TMEM260: variants seen among roughly 807,000 people sequenced by gnomAD.
TMEM260 encodes the protein transmembrane protein 260.
In TMEM260, 82 loss-of-function variants were observed where a neutral mutation model predicts 88.9. The observed-to-expected ratio is 0.92, with a 90% CI of 0.77 to 1.11. The LOEUF is 1.11. Among genes scored for constraint, TMEM260 ranks in the 50% least tolerant of loss-of-function variants. The probability of loss-of-function intolerance (pLI) is 0.00; values close to 1 mark genes in which losing one functional copy is unlikely to be tolerated. For synonymous variants in TMEM260, 314 were observed against 309.3 expected (o/e 1.02, Z -0.16); for missense variants, 902 against 853.4 (o/e 1.06, Z -0.71).
intron 3 of TMEM260, among the ~76,000 whole-genome samples, chr14:56,595,422 C>G (rs192723467): frequency 6.6e-6 from 1 of 152,070 alleles, no homozygotes; most frequent in Non-Finnish European, 1.5e-5. Flanking sequence ...AATTAAGGAA[C>G]CTTCTTTACA....
intron 15 of TMEM260, 69 bp downstream of exon 15, chr14:56,636,667 G>A (rs759109343): frequency 7.5e-7 from 1 of 1,332,742 alleles, no homozygotes; most frequent in Admixed American, 1.7e-5. Context: ...GTTCAGAATG[G>A]ATAGAGGGTA....
At chr14:56,626,945 A>G (rs1249459902) in intron 12 of TMEM260, among the ~76,000 whole-genome samples, 2 of 152,122 alleles carry the variant, frequency 1.3e-5, no homozygotes, top group African/African-American at 4.8e-5. Flanking sequence ...ATTCATACAT[A>G]CTGTATTATA....
intron 7 of TMEM260, chr14:56,613,156 T>C (rs1214178702): frequency 6.6e-6 from 1 of 152,136 alleles, no homozygotes; most frequent in Non-Finnish European, 1.5e-5. Context: ...CATACCAACT[T>C]GATACAAAAT....
rs531304565 is a variant in TMEM260 at position 56,614,344 on chromosome 14, C to T, written c.858-1600C>T. 3.3e-5 allele frequency among the ~76,000 whole-genome samples: 5 copies of T among 151,954 alleles called. No individual in the cohort carries two copies. The East Asian group carries it at 9.7e-4, about 30-fold the overall frequency. On this transcript the variant is annotated intron_variant, in intron 7 of 15. Coordinates refer to ENST00000261556, the MANE Select transcript of TMEM260 (RefSeq NM_017799.4). ...GCAGTGAGCCACCTTCATGCCACTC[C>T]AGCCTAGGCAACAGAGTGAGACTCT...
intron 3 of TMEM260, among the ~76,000 whole-genome samples, chr14:56,596,801 A>G (rs1015784415): frequency 2.1e-4 from 28 of 131,442 alleles, no homozygotes; most frequent in Admixed American, 1.1e-3. Flanking sequence ...AAAAATATAT[A>G]TATATACACA....
downstream of TMEM260, among the ~76,000 whole-genome samples, chr14:56,651,466 C>G (rs1379143496): frequency 1.3e-5 from 2 of 152,146 alleles, no homozygotes; most frequent in African/African-American, 4.8e-5. Flanking sequence ...AGTAGCGTTT[C>G]CAGCACTGTA....
intron 15 of TMEM260, among the ~76,000 whole-genome samples, chr14:56,639,478 A>C (rs1311571526): frequency 6.6e-6 from 1 of 152,154 alleles, no homozygotes; most frequent in Non-Finnish European, 1.5e-5. Context: ...CATCAATCTA[A>C]CAGGTCTATA....
At chr14:56,650,202 T>C, downstream of TMEM260, 1 of 402,214 alleles carries the variant, frequency 2.5e-6, no homozygotes, top group Admixed American at 3.1e-5. Context: ...GGGAGTGCCA[T>C]GGTTTGGCAG....
chr14:56,598,992 T>C (rs1346960153), intron 3 of TMEM260, among the ~76,000 whole-genome samples: 1 of 152,236 alleles, frequency 6.6e-6, no homozygotes, highest in Non-Finnish European at 1.5e-5. Context: ...TTAACTGGCC[T>C]GTTCCATCCA....
At chr14:56,642,655 G>A (rs1460356506) in intron 15 of TMEM260, among the ~76,000 whole-genome samples, 7 of 151,950 alleles carry the variant, frequency 4.6e-5, no homozygotes, top group South Asian at 2.1e-4. Context: ...AAATAACTAA[G>A]ATCAGAGCAG....
At chr14:56,661,316 T>C in the TMEM260 span, among the ~76,000 whole-genome samples, 1 of 151,410 alleles carries the variant, frequency 6.6e-6, no homozygotes, top group Non-Finnish European at 1.5e-5. Flanking sequence ...CGTGGGAAAA[T>C]GAAAAAGGGG....
At chr14:56,618,496 C>T (rs1223174275) in intron 9 of TMEM260, 98 bp from the exon 10 acceptor site, 1 of 1,126,050 alleles carries the variant, frequency 8.9e-7, no homozygotes. Flanking sequence ...CAGGCACACA[C>T]AACTAGGTGC....
At chr14:56,640,242 C>T (rs954666063) in intron 15 of TMEM260, among the ~76,000 whole-genome samples, 1 of 152,196 alleles carries the variant, frequency 6.6e-6, no homozygotes, top group Admixed American at 6.5e-5. Flanking sequence ...GGGAGGCACC[C>T]TCCCAGTAGG....
Position 56,584,126 on chromosome 14 carries a change from C to T in TMEM260, c.161-875C>T, listed in dbSNP as rs563681583. 2.7e-4 allele frequency among the ~76,000 whole-genome samples: 41 copies of T among 151,992 alleles called. No homozygotes were observed. In the South Asian group the frequency reaches 7.9e-3, roughly 29 times the overall value. On this transcript the variant is annotated intron_variant, in intron 1 of 15. Coordinates refer to ENST00000261556, the MANE Select transcript of TMEM260 (RefSeq NM_017799.4). ...ATTGGTCAAGTCTGTTGCCATAGTCCAGGCCAGAGAGAGTAAAGGTCTAAA... is the reference window on the plus strand; with the variant it reads ...ATTGGTCAAGTCTGTTGCCATAGTCTAGGCCAGAGAGAGTAAAGGTCTAAA...
chr14:56,637,068 T>C (rs1889150988), intron 15 of TMEM260, among the ~76,000 whole-genome samples: 2 of 151,810 alleles, frequency 1.3e-5, no homozygotes, highest in East Asian at 3.9e-4. Flanking sequence ...GAGCCAGGAG[T>C]AAAAGAGTGC....
At chr14:56,597,316 G>T (rs1886308796) in intron 3 of TMEM260, among the ~76,000 whole-genome samples, 3 of 152,184 alleles carry the variant, frequency 2.0e-5, no homozygotes, top group African/African-American at 7.2e-5. Context: ...CAACTGATAT[G>T]TGTTCTTCAA....
intron 15 of TMEM260, among the ~76,000 whole-genome samples, chr14:56,644,723 G>A (rs538592560): frequency 1.4e-3 from 217 of 152,140 alleles, no homozygotes; most frequent in Non-Finnish European, 2.2e-3. Flanking sequence ...GCAACCTACA[G>A]AATGGGAGAA....
chr14:56,663,129 C>CA, the TMEM260 span, among the ~76,000 whole-genome samples: 29 of 149,848 alleles, frequency 1.9e-4, no homozygotes, highest in East Asian at 3.9e-4. This position sits in a 1 kb window ranked among gnomAD's most constrained non-coding sequence, Gnocchi z 4.1. Context: ...AACTCTGTCT[C>CA]AAAAAAAAAG....
downstream of TMEM260, among the ~76,000 whole-genome samples, chr14:56,652,781 A>G (rs145112138): frequency 9.2e-5 from 14 of 152,338 alleles, no homozygotes; most frequent in East Asian, 1.2e-3. Context: ...CCCTAAAATT[A>G]TAGCATATTC....
Sources: gnomAD v4.1 joint callset for allele counts (sites outside exome capture counted in the v4.1 genomes callset) on GRCh38, gnomAD v4.1.1 for gene constraint, Gnocchi (gnomAD v3.1) non-coding constraint, MANE v1.5 for transcripts, NCBI Gene and HGNC (gene_info 2026-07-23, HGNC 2026-07-21) for gene names.